Variants in SAMMSON observed in about 807,000 individuals in gnomAD.
The protein encoded by SAMMSON is survival associated mitochondrial melanoma specific oncogenic non-coding RNA, also known as long intergenic non-protein coding RNA 1212.
At chr3:70,144,871 T>G (rs891306471) in intron 4 of SAMMSON, among the ~76,000 whole-genome samples, 1 of 152,182 alleles carries the variant, frequency 6.6e-6, no homozygotes, top group African/African-American at 2.4e-5. Context: ...TGTGGAACTG[T>G]AAGTCCAATT....
At chr3:70,333,967 TG>T (rs1276033840) in intron 7 of SAMMSON, among the ~76,000 whole-genome samples, 1 of 152,196 alleles carries the variant, frequency 6.6e-6, no homozygotes, top group Admixed American at 6.5e-5. Context: ...ATTACACAGG[TG>T]GGGAATCTTC....
chr3:70,154,313 G>T (rs577605694), intron 4 of SAMMSON, among the ~76,000 whole-genome samples: 2 of 152,078 alleles, frequency 1.3e-5, no homozygotes, highest in East Asian at 1.9e-4. Flanking sequence ...TTACAAAAGT[G>T]GTCTATTATC....
rs76873945 is a variant in SAMMSON, at chr3:70,248,716, T to C, written n.508-391T>C. ...ATTGGAAATGGACAGAATAACCAGA[T>C]TCAAGAGTTAGTGAACAAAAGAACT... On this transcript the variant is annotated intron_variant and non_coding_transcript_variant, in intron 4 of 9. Coordinates refer to ENST00000642114, the Ensembl canonical transcript of SAMMSON. Among the ~76,000 whole-genome samples the C allele has an allele frequency of 8.5e-3, 1,298 of 152,200 alleles. 20 individuals carry two copies. The highest frequency in any genetic ancestry group is 0.029 in the African/African-American group (1,223 of 41,552).
intron 4 of SAMMSON, chr3:70,159,690 C>G (rs2067606849): frequency 1.3e-5 from 2 of 151,996 alleles, no homozygotes; most frequent in South Asian, 2.1e-4. Context: ...TCCCAAGTAG[C>G]TGGGACTACA....
At chr3:70,092,683 A>G (rs747701695) in intron 4 of SAMMSON, among the ~76,000 whole-genome samples, 6 of 152,136 alleles carry the variant, frequency 3.9e-5, no homozygotes, top group Non-Finnish European at 5.9e-5. Flanking sequence ...ATTGCTCAGC[A>G]CACAGTCGGA....
intron 3 of SAMMSON, among the ~76,000 whole-genome samples, chr3:70,019,749 C>G (rs2067003877): frequency 1.3e-5 from 2 of 152,056 alleles, no homozygotes; most frequent in East Asian, 1.9e-4. Flanking sequence ...TTTGTGCTTC[C>G]TTCAGGAGCT....
intron 4 of SAMMSON, among the ~76,000 whole-genome samples, chr3:70,185,806 A>AT (rs1701087212): frequency 1.1e-5 from 1 of 93,294 alleles, no homozygotes; most frequent in Non-Finnish European, 2.4e-5. Context: ...CCCCGCCTCT[A>AT]CAAAAAAAAA....
intron 2 of SAMMSON, among the ~76,000 whole-genome samples, chr3:70,410,567 T>C (rs2106768364): frequency 6.6e-6 from 1 of 152,294 alleles, no homozygotes; most frequent in East Asian, 1.9e-4. Context: ...ACTGGATTAA[T>C]GAAGGCTAAA....
At chr3:70,170,214 T>C (rs1408191534) in intron 4 of SAMMSON, among the ~76,000 whole-genome samples, 1 of 151,914 alleles carries the variant, frequency 6.6e-6, no homozygotes, top group Non-Finnish European at 1.5e-5. Context: ...AGAAAATGGA[T>C]CTAATGAGGA....
At chr3:70,119,856 A>G (rs983391193) in intron 4 of SAMMSON, among the ~76,000 whole-genome samples, 4 of 152,182 alleles carry the variant, frequency 2.6e-5, no homozygotes, top group Non-Finnish European at 5.9e-5. Context: ...AATACAAACA[A>G]CCTTGTATTT....
At chr3:70,375,996 C>T (rs764852735) in intron 9 of SAMMSON, among the ~76,000 whole-genome samples, 5 of 151,976 alleles carry the variant, frequency 3.3e-5, no homozygotes, top group Admixed American at 1.3e-4. Flanking sequence ...TTGTTGCTGT[C>T]GTATGATTTC....
intron 6 of SAMMSON, among the ~76,000 whole-genome samples, chr3:70,279,431 C>G (rs1702059350): frequency 6.6e-6 from 1 of 152,088 alleles, no homozygotes; most frequent in East Asian, 1.9e-4. Context: ...GACTTTATCT[C>G]CTTCACATCT....
chr3:70,064,195 AAC>A (rs1262121113), intron 3 of SAMMSON, among the ~76,000 whole-genome samples: 1 of 152,162 alleles, frequency 6.6e-6, no homozygotes, highest in Non-Finnish European at 1.5e-5. Flanking sequence ...GCTGTATTAA[AAC>A]AGAGTTCCAG....
downstream of SAMMSON, among the ~76,000 whole-genome samples, chr3:70,390,111 C>T (rs999151831): frequency 7.9e-5 from 12 of 151,900 alleles, no homozygotes; most frequent in African/African-American, 2.2e-4. Context: ...TGCAAAAACA[C>T]GATTTCTAAA....
chr3:70,108,613 G>C (rs75712089), intron 4 of SAMMSON, among the ~76,000 whole-genome samples: 4,326 of 151,658 alleles, frequency 0.029, 135 homozygotes, highest in East Asian at 0.16. Context: ...GGGCCTTTGG[G>C]ATATAACTGG....
chr3:70,395,876 G>A (rs966514344), intron 2 of SAMMSON, among the ~76,000 whole-genome samples: 4 of 152,066 alleles, frequency 2.6e-5, no homozygotes, highest in Non-Finnish European at 4.4e-5. Flanking sequence ...TTAAAGGCAC[G>A]AGCTTGGAAA....
intron 4 of SAMMSON, among the ~76,000 whole-genome samples, chr3:70,138,214 A>T (rs1430880372): frequency 1.3e-5 from 2 of 152,212 alleles, no homozygotes; most frequent in Admixed American, 6.5e-5. Context: ...TAAAATCTGT[A>T]TTAAATAAAA....
chr3:70,195,212 C>A (rs539436985), intron 4 of SAMMSON, among the ~76,000 whole-genome samples: 52 of 152,080 alleles, frequency 3.4e-4, no homozygotes, highest in Non-Finnish European at 5.6e-4. Flanking sequence ...TTCTAGGAAT[C>A]TATTTTTTTT....
intron 4 of SAMMSON, among the ~76,000 whole-genome samples, chr3:70,228,914 G>T (rs945430408): frequency 6.6e-6 from 1 of 152,066 alleles, no homozygotes; most frequent in Non-Finnish European, 1.5e-5. Context: ...TCAGCTAAAA[G>T]GTGTGAGTTA....
Sources: allele counts gnomAD v4.1 joint callset (sites outside exome capture counted in the v4.1 genomes callset), GRCh38; gene constraint gnomAD v4.1.1; transcripts MANE v1.5; gene names NCBI Gene and HGNC (gene_info 2026-07-23, HGNC 2026-07-21).